Variants in STIM2 observed in about 807,000 individuals in gnomAD.
STIM2 encodes stromal interaction molecule 2.
STIM2 carries 31 observed loss-of-function variants against 85.8 expected under a neutral mutation model. That is an observed-to-expected ratio of 0.36 (90% CI 0.27 to 0.49). The LOEUF (loss-of-function observed/expected upper bound fraction) is 0.49, where lower values mean the gene tolerates loss of function less well. Ranked by LOEUF, STIM2 falls within the 20% of genes least tolerant of loss-of-function variation. The probability of loss-of-function intolerance (pLI) is 0.98; values close to 1 mark genes in which losing one functional copy is unlikely to be tolerated. For missense variants in STIM2, 841 were observed against 927.6 expected, an observed-to-expected ratio of 0.91 and a Z score of 1.21; for synonymous variants, 356 against 331.1, an observed-to-expected ratio of 1.08 and a Z score of -0.82.
At chr4:26,988,971 G>C (rs761037912) in intron 3 of STIM2, among the ~76,000 whole-genome samples, 3 of 152,188 alleles carry the variant, frequency 2.0e-5, no homozygotes, top group Non-Finnish European at 4.4e-5. Context: ...GTCTCACTCT[G>C]TCTCCCAGGC....
intron 1 of STIM2, among the ~76,000 whole-genome samples, chr4:26,910,368 AT>A (rs976650288): frequency 6.6e-6 from 1 of 152,122 alleles, no homozygotes; most frequent in Non-Finnish European, 1.5e-5. Flanking sequence ...ACTAAAAAAA[AT>A]AAAAATTATC....
intron 8 of STIM2, 63 bp downstream of exon 8, chr4:27,007,763 A>C: frequency 6.9e-7 from 1 of 1,445,150 alleles, no homozygotes; most frequent in South Asian, 1.5e-5. Context: ...TAGAGGGATT[A>C]CTCAGCTGGG....
chr4:26,970,558 T>C (rs576845643), intron 3 of STIM2, among the ~76,000 whole-genome samples: 12 of 152,306 alleles, frequency 7.9e-5, no homozygotes, highest in Middle Eastern at 3.4e-3. Context: ...TCCATGTCCC[T>C]GCAAAGGACA....
intron 1 of STIM2, among the ~76,000 whole-genome samples, chr4:26,899,119 A>G (rs1164505143): frequency 6.6e-6 from 1 of 152,020 alleles, no homozygotes; most frequent in African/African-American, 2.4e-5. Context: ...GTATTCCCTT[A>G]TATTTCTATA....
chr4:26,959,279 C>T (rs1726364905), intron 3 of STIM2, among the ~76,000 whole-genome samples: 1 of 152,128 alleles, frequency 6.6e-6, no homozygotes, highest in Non-Finnish European at 1.5e-5. Flanking sequence ...TCATTCTGGA[C>T]CTGTGGCTAT....
At chr4:26,898,894 C>G (rs886719727) in intron 1 of STIM2, among the ~76,000 whole-genome samples, 8 of 151,852 alleles carry the variant, frequency 5.3e-5, no homozygotes, top group Admixed American at 3.9e-4. Flanking sequence ...ATTTAGCAAT[C>G]TTTCTAAATT....
chr4:26,940,048 G>A (rs1293173340), intron 2 of STIM2, among the ~76,000 whole-genome samples: 4 of 152,128 alleles, frequency 2.6e-5, no homozygotes, highest in Non-Finnish European at 5.9e-5. Flanking sequence ...TTGTGAAATG[G>A]GAATAGTTTT....
At chr4:26,983,315 T>A (rs1164768712) in intron 3 of STIM2, among the ~76,000 whole-genome samples, 1 of 152,206 alleles carries the variant, frequency 6.6e-6, no homozygotes, top group Non-Finnish European at 1.5e-5. Flanking sequence ...ATTTAGTAAT[T>A]TAATCCTTTA....
Position 26,999,342 on chromosome 4 carries a change from TA to T in STIM2, c.622del (p.Thr208HisfsTer8). On this transcript the variant is annotated frameshift_variant, in exon 5 of 12. Transcript: ENST00000467087. LOFTEE classifies it high-confidence loss of function. ...TTGGATGTGGTTTTGTTTGGACCTCTAACACGTTAGTATTCTCTCTCACTCA... is the reference window on the plus strand; with the variant it reads ...TTGGATGTGGTTTTGTTTGGACCTCTACACGTTAGTATTCTCTCTCACTCA... 1 of 1,597,340 alleles carries T rather than the reference TA, an allele frequency of 6.3e-7. No homozygotes were observed. The highest frequency in any genetic ancestry group is 8.6e-7 in the Non-Finnish European group (1 of 1,169,378).
At chr4:26,979,759 T>C (rs543787389) in intron 3 of STIM2, among the ~76,000 whole-genome samples, 1 of 152,332 alleles carries the variant, frequency 6.6e-6, no homozygotes, top group African/African-American at 2.4e-5. Context: ...TAATTTGGTG[T>C]TATCAAATAT....
At chr4:26,930,578 A>G (rs1725170333) in intron 2 of STIM2, among the ~76,000 whole-genome samples, 1 of 152,112 alleles carries the variant, frequency 6.6e-6, no homozygotes, top group African/African-American at 2.4e-5. Flanking sequence ...AGTATTCCTT[A>G]TGTTACATAT....
In STIM2 at chr4:26,885,859, A is replaced by ATATATATGTATATATATATATATATATG. The variant is rs1560194659; in HGVS notation, c.151+24497_151+24498insGTATATATATATATATATATGTATATAT. ...TATATATATATATATATATATATAT[A>ATATATATGTATATATATATATATATATG]TATATATATATATATGTATATGTCT... On this transcript the variant is annotated intron_variant, in intron 1 of 11. Transcript: ENST00000467087. Among the ~76,000 whole-genome samples, 412 of 89,336 alleles carry ATATATATGTATATATATATATATATATG rather than the reference A, an allele frequency of 4.6e-3. 24 individuals carry two copies. The highest frequency in any genetic ancestry group is 7.6e-3 in the East Asian group (17 of 2,242). The allele number at this position is 89,336 out of a possible 152,430, so 58.6% of individuals were successfully genotyped here.
Position 26,861,140 on chromosome 4 carries a change from T to C in STIM2, c.-79T>C. 1 of 1,275,700 alleles carries C rather than the reference T, an allele frequency of 7.8e-7. No homozygotes were observed. The highest frequency in any genetic ancestry group is 9.9e-7 in the Non-Finnish European group (1 of 1,010,868). 79.0% of individuals were successfully genotyped at this position (1,275,700 alleles called of 1,614,324 possible). On this transcript the variant is annotated 5_prime_UTR_variant, in exon 1 of 12. Transcript: ENST00000467087. ...GGGCGCCGCTGCGCTTTCACCCGGC[T>C]TCTCCTCGGCGCCTTCATCCCGCCT...
At chr4:26,985,413 T>G (rs1727547421) in intron 3 of STIM2, among the ~76,000 whole-genome samples, 1 of 152,202 alleles carries the variant, frequency 6.6e-6, no homozygotes, top group Non-Finnish European at 1.5e-5. Flanking sequence ...AAATTGGATT[T>G]AAAAGTAGTC....
intron 1 of STIM2, among the ~76,000 whole-genome samples, chr4:26,900,606 T>G (rs373918977): frequency 2.0e-5 from 3 of 152,212 alleles, no homozygotes; most frequent in Admixed American, 2.0e-4. Context: ...ATTACTTCAG[T>G]ATAATTTTAG....
intron 1 of STIM2, among the ~76,000 whole-genome samples, chr4:26,876,245 A>T (rs1291286427): frequency 6.6e-6 from 1 of 152,206 alleles, no homozygotes; most frequent in Non-Finnish European, 1.5e-5. Flanking sequence ...TATTGGTAAA[A>T]TTAGAATTCT....
chr4:26,983,540 A>G (rs1292657476), intron 3 of STIM2, among the ~76,000 whole-genome samples: 1 of 152,202 alleles, frequency 6.6e-6, no homozygotes, highest in Non-Finnish European at 1.5e-5. Flanking sequence ...AGATCAAACA[A>G]ATTTCTGAGT....
At chr4:27,000,795 AAC>A (rs1436174667) in intron 5 of STIM2, among the ~76,000 whole-genome samples, 5 of 143,036 alleles carry the variant, frequency 3.5e-5, no homozygotes, top group Non-Finnish European at 7.5e-5. Context: ...TTGTCAAATG[AAC>A]AGAGATACAT....
intron 2 of STIM2, among the ~76,000 whole-genome samples, chr4:26,945,465 A>G (rs1345866046): frequency 1.3e-5 from 2 of 152,228 alleles, no homozygotes; most frequent in Non-Finnish European, 2.9e-5. Context: ...GTGTATACCC[A>G]GTAATGAGAT....
Sources: allele counts gnomAD v4.1 joint callset (sites outside exome capture counted in the v4.1 genomes callset), GRCh38; gene constraint gnomAD v4.1.1; transcripts MANE v1.5; gene names NCBI Gene and HGNC (gene_info 2026-07-23, HGNC 2026-07-21).